Variants in HRH1 observed in about 807,000 individuals in gnomAD.
HRH1 encodes the protein histamine H1 receptor.
A neutral mutation model predicts 10.3 loss-of-function variants in HRH1; 6 were observed. That is an observed-to-expected ratio of 0.58 (90% CI 0.32 to 1.15). HRH1 has a LOEUF of 1.15. Among genes scored for constraint, HRH1 ranks in the 50% most tolerant of loss-of-function variants. HRH1 has a pLI of 0.05. For synonymous variants in HRH1, 242 were observed against 236.7 expected, an observed-to-expected ratio of 1.02 and a Z score of -0.21; for missense variants, 514 against 615.3, an observed-to-expected ratio of 0.84 and a Z score of 1.74.
intron 1 of HRH1, among the ~76,000 whole-genome samples, chr3:11,253,759 G>A (rs1048626045): frequency 4.6e-5 from 7 of 152,140 alleles, no homozygotes; most frequent in African/African-American, 1.2e-4. Flanking sequence ...TCACGTTCCC[G>A]AATGGTCATA....
intron 1 of HRH1, among the ~76,000 whole-genome samples, chr3:11,212,134 T>C (rs1938347790): frequency 6.6e-6 from 1 of 152,196 alleles, no homozygotes; most frequent in Non-Finnish European, 1.5e-5. Flanking sequence ...TCCCCAGATA[T>C]GATATCCTTT....
rs201236680 is a variant in HRH1 at position 11,260,777 on chromosome 3, A to C, written c.*276A>C. On this transcript the variant is annotated 3_prime_UTR_variant, in exon 2 of 2. Coordinates refer to ENST00000431010, the MANE Select transcript of HRH1 (RefSeq NM_001098212.2). ...TGGGTTCAAAAAGAAAAAAATAATA[A>C]AAATAAAAGAGAGAGAGAATCAGAC... The C allele has an allele frequency of 4.1e-5, 16 of 393,866 alleles. No individual in the cohort carries two copies. The highest frequency in any genetic ancestry group is 7.5e-5 in the Non-Finnish European group (16 of 212,318). The allele number at this position is 393,866 out of a possible 1,614,324, so 24.4% of individuals were successfully genotyped here. A position where few individuals can be genotyped will look rare whatever the true frequency, so the allele number is the denominator to read the frequency against.
At chr3:11,202,218 A>G (rs532694375) in intron 1 of HRH1, among the ~76,000 whole-genome samples, 6 of 152,264 alleles carry the variant, frequency 3.9e-5, no homozygotes, top group South Asian at 2.1e-4. Flanking sequence ...AGCCTGGCCA[A>G]CATGGCGAAA....
Position 11,259,051 on chromosome 3 carries a change from A to G in HRH1, c.14A>G (p.Asn5Ser), listed in dbSNP as rs757741379. 20 of 1,598,998 alleles carry G rather than the reference A, an allele frequency of 1.3e-5. No homozygotes were observed. The highest frequency in any genetic ancestry group is 1.7e-5 in the Non-Finnish European group (20 of 1,172,352). ...GCTCTTGCGCCAATGAGCCTCCCCA[A>G]TTCCTCCTGCCTCTTAGAAGACAAG... is the stretch of plus-strand genomic sequence containing the variant. MSLPNSSCLLEDKMC... is the reference protein window; with the variant it reads MSLPSSSCLLEDKMC... The change falls in exon 2 of 2, where the codon AAT (asparagine) becomes AGT (serine). Residue 5 changes from asparagine (N) to serine (S), a missense_variant. Transcript: ENST00000431010. The surrounding 1 kb of genome is among the most constrained non-coding windows in gnomAD (Gnocchi z 4.6).
intron 1 of HRH1, among the ~76,000 whole-genome samples, chr3:11,208,740 T>A (rs1167038410): frequency 6.6e-6 from 1 of 152,240 alleles, no homozygotes; most frequent in Non-Finnish European, 1.5e-5. Context: ...TTAATCGCTG[T>A]ATACCATCCC....
intron 1 of HRH1, among the ~76,000 whole-genome samples, chr3:11,163,293 C>A (rs926412704): frequency 6.6e-6 from 1 of 152,202 alleles, no homozygotes; most frequent in Admixed American, 6.5e-5. Context: ...AGGGACATAT[C>A]TGACCATTTC....
rs1940001996 is a variant in HRH1 at position 11,263,205 on chromosome 3, C to T, written c.*2704C>T. ...TGTCAGCCCCAGCCCACTAAGAAAG[C>T]CCCAGCCCATCAGTGGCTAATGGCT... On this transcript the variant is annotated 3_prime_UTR_variant, in exon 2 of 2. Transcript: ENST00000431010. 1 of 167,088 alleles carries T rather than the reference C, an allele frequency of 6.0e-6. No individual in the cohort carries two copies. Among genetic ancestry groups the T allele is most frequent in the Non-Finnish European group, 1.5e-5 (1 of 68,128 alleles). 10.4% of individuals were successfully genotyped at this position (167,088 alleles called of 1,614,324 possible).
intron 1 of HRH1, among the ~76,000 whole-genome samples, chr3:11,216,280 G>A (rs78040225): frequency 0.011 from 1,663 of 152,166 alleles, 30 homozygotes; most frequent in African/African-American, 0.038. Context: ...GTATATACCC[G>A]AAAGAATTGA....
chr3:11,137,611 G>A (rs1936207598), intron 1 of HRH1, among the ~76,000 whole-genome samples: 1 of 152,164 alleles, frequency 6.6e-6, no homozygotes, highest in African/African-American at 2.4e-5. Context: ...GTCATCATGG[G>A]CTGTGATGGC....
chr3:11,160,455 A>G (rs920376387), intron 1 of HRH1, among the ~76,000 whole-genome samples: 8 of 152,182 alleles, frequency 5.3e-5, no homozygotes, highest in Non-Finnish European at 1.0e-4. Context: ...CGTTAGTTTA[A>G]TGGTTTCATA....
At chr3:11,212,789 C>T (rs1057105151) in intron 1 of HRH1, among the ~76,000 whole-genome samples, 1 of 152,166 alleles carries the variant, frequency 6.6e-6, no homozygotes, top group Non-Finnish European at 1.5e-5. Context: ...CCTGTTTCAT[C>T]AAAGTCAAAA....
intron 1 of HRH1, among the ~76,000 whole-genome samples, chr3:11,155,304 G>A (rs1574978121): frequency 6.6e-6 from 1 of 152,154 alleles, no homozygotes; most frequent in Non-Finnish European, 1.5e-5. Context: ...GGATATTATG[G>A]CCAGGGAGTG....
chr3:11,196,181 T>C (rs1937643962), intron 1 of HRH1, among the ~76,000 whole-genome samples: 1 of 152,226 alleles, frequency 6.6e-6, no homozygotes, highest in Non-Finnish European at 1.5e-5. Context: ...CGATCTTGCA[T>C]GATCCAGCCT....
chr3:11,141,327 G>GT (rs751184929), intron 1 of HRH1, among the ~76,000 whole-genome samples: 2 of 152,226 alleles, frequency 1.3e-5, no homozygotes, highest in Non-Finnish European at 2.9e-5. Context: ...CAAGGGTGAT[G>GT]TATTTATTAT....
intron 1 of HRH1, among the ~76,000 whole-genome samples, chr3:11,187,738 C>T (rs893787285): frequency 2.6e-5 from 4 of 152,208 alleles, no homozygotes; most frequent in African/African-American, 4.8e-5. Context: ...AATCCCAACT[C>T]CTACGATGAT....
At position 11,169,007 on chromosome 3, in the gene HRH1, C is replaced by G. The variant is rs546030832; in HGVS notation, c.-36+14453C>G. Among the ~76,000 whole-genome samples the G allele has an allele frequency of 2.0e-4, 31 of 152,346 alleles. 1 individual carries two copies. In the South Asian group the frequency reaches 6.2e-3, roughly 31 times the overall value. The stretch of plus-strand genomic sequence containing the variant: ...ATGAAGGGATTCACACACAGGCCTG[C>G]AGCAAGGAGCTGAGCTCTCGCCTGA... On this transcript the variant is annotated intron_variant, in intron 1 of 1. Coordinates refer to ENST00000431010, the MANE Select transcript of HRH1 (RefSeq NM_001098212.2).
chr3:11,167,794 T>A (rs1325271053), intron 1 of HRH1, among the ~76,000 whole-genome samples: 2 of 152,228 alleles, frequency 1.3e-5, no homozygotes, highest in Non-Finnish European at 2.9e-5. Flanking sequence ...AGTCATGACA[T>A]CACGTGCTCA....
intron 1 of HRH1, among the ~76,000 whole-genome samples, chr3:11,145,113 C>A (rs1936407899): frequency 6.6e-6 from 1 of 152,158 alleles, no homozygotes; most frequent in Admixed American, 6.5e-5. Context: ...TGGATTACTG[C>A]AACCACCTCT....
intron 1 of HRH1, among the ~76,000 whole-genome samples, chr3:11,238,705 A>G (rs1285404492): frequency 1.3e-5 from 2 of 152,170 alleles, no homozygotes; most frequent in African/African-American, 4.8e-5. Context: ...CCCCTCCACT[A>G]CCAGGCAACC....
Sources: gnomAD v4.1 joint callset for allele counts (sites outside exome capture counted in the v4.1 genomes callset) on GRCh38, gnomAD v4.1.1 for gene constraint, Gnocchi (gnomAD v3.1) non-coding constraint, MANE v1.5 for transcripts, NCBI Gene and HGNC (gene_info 2026-07-23, HGNC 2026-07-21) for gene names.